Variants in AGO2 observed in about 807,000 individuals in gnomAD.
The protein encoded by AGO2 is argonaute RISC catalytic component 2.
AGO2 carries 5 observed loss-of-function variants against 102.3 expected under a neutral mutation model. The observed-to-expected ratio is 0.05, with a 90% CI of 0.03 to 0.10. The LOEUF is 0.10. AGO2 is among the 10% of genes least tolerant of loss of function. The pLI, the probability that AGO2 is intolerant of heterozygous loss-of-function variation, is 1.00. For missense variants in AGO2, 541 were observed against 1,183.7 expected (o/e 0.46, Z 7.97); for synonymous variants, 449 against 473.1 (o/e 0.95, Z 0.66).
At chr8:140,543,040 G>T (rs548309865) in intron 14 of AGO2, among the ~76,000 whole-genome samples, 94 of 152,294 alleles carry the variant, frequency 6.2e-4, no homozygotes, top group African/African-American at 2.2e-3. Flanking sequence ...GGGAGGCTGA[G>T]GTGGGAGAAT....
chr8:140,546,039 C>T (rs1015455626), intron 13 of AGO2, among the ~76,000 whole-genome samples: 8 of 152,186 alleles, frequency 5.3e-5, no homozygotes, highest in African/African-American at 9.7e-5. Flanking sequence ...CCAGGACTTC[C>T]GGCCCGGTGC....
chr8:140,604,396 T>C (rs1588499246), intron 1 of AGO2, among the ~76,000 whole-genome samples: 1 of 152,160 alleles, frequency 6.6e-6, no homozygotes, highest in Non-Finnish European at 1.5e-5. Context: ...ACAGCAACAA[T>C]AAAAAGGCAT....
At chr8:140,569,853 G>A (rs577432724) in intron 3 of AGO2, among the ~76,000 whole-genome samples, 10 of 152,270 alleles carry the variant, frequency 6.6e-5, no homozygotes, top group Middle Eastern at 3.4e-3. Flanking sequence ...TAGGAGCTTC[G>A]TGTGTAAGGG....
chr8:140,593,998 C>A (rs1191579009), intron 1 of AGO2, among the ~76,000 whole-genome samples: 2 of 152,228 alleles, frequency 1.3e-5, no homozygotes, highest in Non-Finnish European at 2.9e-5. Flanking sequence ...GAATACCTGC[C>A]CACCAGTGAG....
Position 140,584,155 on chromosome 8 carries a change from A to G in AGO2, c.215+964T>C, listed in dbSNP as rs1007892356. Among the ~76,000 whole-genome samples, 10 of 147,140 alleles carry G rather than the reference A, an allele frequency of 6.8e-5. No individual in the cohort carries two copies. In the East Asian group the frequency reaches 2.0e-3, roughly 29 times the overall value. On this transcript the variant is annotated intron_variant, in intron 2 of 18. Coordinates refer to ENST00000220592, the MANE Select transcript of AGO2 (RefSeq NM_012154.5). ...ACTCAGTAAAAAAAAAAAAAAAAACAAAACAGGCAAAATACTTCAACACTT... is the reference window on the plus strand; with the variant it reads ...ACTCAGTAAAAAAAAAAAAAAAAACGAAACAGGCAAAATACTTCAACACTT...
chr8:140,629,535 A>G (rs1020888407), intron 1 of AGO2, among the ~76,000 whole-genome samples: 3 of 151,956 alleles, frequency 2.0e-5, no homozygotes, highest in African/African-American at 7.3e-5. Flanking sequence ...TCTCGATGAC[A>G]GTGAGAAGAT....
At chr8:140,599,937 G>A (rs1267788709) in intron 1 of AGO2, among the ~76,000 whole-genome samples, 2 of 152,334 alleles carry the variant, frequency 1.3e-5, no homozygotes, top group East Asian at 1.9e-4. Flanking sequence ...GGCCAAGCTG[G>A]TCTTGAAATC....
rs1404893703 is a variant in AGO2 at position 140,540,117 on chromosome 8, AAC to A, written c.2035-665_2035-664del. On this transcript the variant is annotated intron_variant, in intron 15 of 18. Transcript: ENST00000220592. The surrounding 1 kb of genome is among the most constrained non-coding windows in gnomAD (Gnocchi z 5.0). ...AAACAAACAAAAAAACAAAACAAAA[AAC>A]ACACAAAAAACAAAGCAGCTCAGGC... Among the ~76,000 whole-genome samples the A allele has an allele frequency of 6.6e-6, 1 of 152,100 alleles. No individual in the cohort carries two copies. Among genetic ancestry groups the A allele is most frequent in the Non-Finnish European group, 1.5e-5 (1 of 68,008 alleles).
At position 140,557,878 on chromosome 8, in the gene AGO2, C is replaced by A. The variant is rs1345716842; in HGVS notation, c.878+607G>T. Among the ~76,000 whole-genome samples the A allele has an allele frequency of 6.6e-6, 1 of 152,216 alleles. No homozygotes were observed. The highest frequency in any genetic ancestry group is 1.5e-5 in the Non-Finnish European group (1 of 68,026). ...TCTGCCAGGCCACAGGCCCTCTCGT[C>A]CTTCTGCTCCCTCAGCCACGGGCAT... is the stretch of plus-strand genomic sequence containing the variant. On this transcript the variant is annotated intron_variant, in intron 7 of 18. Transcript: ENST00000220592. This position sits in a 1 kb window ranked among gnomAD's most constrained non-coding sequence, Gnocchi z 5.9.
chr8:140,608,520 G>A (rs771794269), intron 1 of AGO2, among the ~76,000 whole-genome samples: 11 of 152,238 alleles, frequency 7.2e-5, no homozygotes, highest in South Asian at 2.1e-4. Context: ...GCCCGCAGCC[G>A]GCAGGCAGGC....
chr8:140,581,840 A>G (rs1212165463), intron 2 of AGO2, among the ~76,000 whole-genome samples: 2 of 152,222 alleles, frequency 1.3e-5, no homozygotes, highest in Non-Finnish European at 2.9e-5. Flanking sequence ...TTAGTTTTAC[A>G]GATATGAGAA....
rs1200259930 is a variant in AGO2 at position 140,595,774 on chromosome 8, A to C, written c.23-10463T>G. Among the ~76,000 whole-genome samples, 128 of 96,454 alleles carry C rather than the reference A, an allele frequency of 1.3e-3. 3 individuals are homozygous for C. Among genetic ancestry groups the C allele is most frequent in the Non-Finnish European group, 1.9e-4 (9 of 46,824 alleles). 63.3% of individuals were successfully genotyped at this position (96,454 alleles called of 152,430 possible). On this transcript the variant is annotated intron_variant, in intron 1 of 18. Transcript: ENST00000220592. The stretch of plus-strand genomic sequence containing the variant: ...ATAATTGTATATACAATTATATTAT[A>C]TACAATTGTATATACAATTATATTA...
intron 1 of AGO2, among the ~76,000 whole-genome samples, chr8:140,599,871 A>G (rs957321252): frequency 6.6e-6 from 1 of 152,154 alleles, no homozygotes; most frequent in Admixed American, 6.5e-5. Flanking sequence ...ACAGGCACCC[A>G]CCATCACACC....
intron 1 of AGO2, among the ~76,000 whole-genome samples, chr8:140,620,648 T>C (rs1342046279): frequency 6.6e-6 from 1 of 152,074 alleles, no homozygotes; most frequent in East Asian, 1.9e-4. Flanking sequence ...GCAAATCACT[T>C]TGAGCTCAGG....
intron 16 of AGO2, 80 bp from the exon 17 acceptor site, chr8:140,535,649 C>G: frequency 7.2e-7 from 1 of 1,384,726 alleles, no homozygotes; most frequent in Non-Finnish European, 1.0e-6. Flanking sequence ...CCGCGCCGCC[C>G]GCTGGCCAGG....
chr8:140,559,492 G>A lies in AGO2; in HGVS notation c.693C>T (p.Ile231=), dbSNP rs549271720. The A allele has an allele frequency of 1.2e-5, 20 of 1,614,218 alleles. No homozygotes were observed. Among genetic ancestry groups the A allele is most frequent in the East Asian group, 4.5e-5 (2 of 44,886 alleles). Residue 231 remains isoleucine, a synonymous_variant, in exon 6 of 19, where the codon ATC becomes ATT. Coordinates refer to ENST00000220592, the MANE Select transcript of AGO2 (RefSeq NM_012154.5). ...AATCCAAAACTTCACAAACAAACTC[G>A]ATTACTGGCTGTGCCTTGTAAAACG... is the stretch of plus-strand genomic sequence containing the variant. The part of the protein sequence containing the change: ...ATAFYKAQPV[I]EFVCEVLDFK...
chr8:140,619,869 TCC>T (rs1015028798), intron 1 of AGO2, among the ~76,000 whole-genome samples: 1 of 152,148 alleles, frequency 6.6e-6, no homozygotes, highest in Admixed American at 6.5e-5. Flanking sequence ...ACCGGTATGA[TCC>T]CATGGTTTTT....
intron 15 of AGO2, 29 bp downstream of exon 15, chr8:140,541,135 G>C (rs900968464): frequency 6.0e-5 from 91 of 1,520,048 alleles, no homozygotes; most frequent in Non-Finnish European, 8.0e-5. Flanking sequence ...CCCCAGAGAA[G>C]GGGAGGGAAG....
upstream of AGO2, among the ~76,000 whole-genome samples, chr8:140,640,087 C>A (rs895980217): frequency 1.3e-5 from 2 of 152,204 alleles, no homozygotes; most frequent in Non-Finnish European, 2.9e-5. Flanking sequence ...CGGCTCATTG[C>A]AGCCTTCGCC....
Sources: gnomAD v4.1 joint callset for allele counts (sites outside exome capture counted in the v4.1 genomes callset) on GRCh38, gnomAD v4.1.1 for gene constraint, Gnocchi (gnomAD v3.1) non-coding constraint, MANE v1.5 for transcripts, NCBI Gene and HGNC (gene_info 2026-07-23, HGNC 2026-07-21) for gene names.